The following TBC1D32 variants were observed in gnomAD, a reference collection of about 807,000 sequenced individuals.
TBC1D32 encodes protein broad-minded.
Under a neutral mutation model 170.3 loss-of-function variants are expected in TBC1D32, and 151 were observed. The ratio of observed to expected loss-of-function variants is 0.89; its 90% CI spans 0.78 to 1.01. TBC1D32 has a LOEUF of 1.01. Among genes scored for constraint, TBC1D32 ranks in the 50% least tolerant of loss-of-function variants. The pLI, the probability that TBC1D32 is intolerant of heterozygous loss-of-function variation, is 0.00. For missense variants in TBC1D32, 1,464 were observed against 1,457.1 expected (o/e 1.00, Z -0.08); for synonymous variants, 498 against 488.0 (o/e 1.02, Z -0.27).
intron 24 of TBC1D32, among the ~76,000 whole-genome samples, chr6:121,144,145 G>C (rs1047454391): frequency 1.3e-5 from 2 of 152,104 alleles, no homozygotes; most frequent in African/African-American, 4.8e-5. Flanking sequence ...GAAACAGAAA[G>C]AAAGTAAGAG....
chr6:121,131,359 G>GA (rs1162471839), intron 25 of TBC1D32, among the ~76,000 whole-genome samples: 30 of 145,426 alleles, frequency 2.1e-4, no homozygotes, highest in East Asian at 1.2e-3. Flanking sequence ...AACTGAATAT[G>GA]AAAAAAAAAA....
intron 22 of TBC1D32, among the ~76,000 whole-genome samples, chr6:121,172,384 T>C (rs1181696395): frequency 1.3e-5 from 2 of 152,062 alleles, no homozygotes; most frequent in African/African-American, 4.8e-5. Context: ...TACTCCACAA[T>C]GGAGGTAAGG....
chr6:121,223,364 G>T lies in TBC1D32; in HGVS notation c.2365-12C>A. 1 of 1,516,050 alleles carries T rather than the reference G, an allele frequency of 6.6e-7. No individual in the cohort carries two copies. Among genetic ancestry groups the T allele is most frequent in the Non-Finnish European group, 9.0e-7 (1 of 1,105,184 alleles). The allele number at this position is 1,516,050 out of a possible 1,614,324, so 93.9% of individuals were successfully genotyped here. Reference sequence around the variant, plus strand: ...AGTGCTAAAAAAGACTAGAGGGAAAGAAAACAGTCATTTAAATGATTCACT... The same window carrying T: ...AGTGCTAAAAAAGACTAGAGGGAAATAAAACAGTCATTTAAATGATTCACT... On this transcript the variant is annotated splice_polypyrimidine_tract_variant and intron_variant, in intron 20 of 31. Transcript: ENST00000398212.
intron 22 of TBC1D32, among the ~76,000 whole-genome samples, chr6:121,182,420 T>C (rs1313846534): frequency 6.6e-6 from 1 of 152,026 alleles, no homozygotes; most frequent in Non-Finnish European, 1.5e-5. Context: ...AGAATACTAA[T>C]AAAAGAATGC....
At chr6:121,160,219 G>A in intron 23 of TBC1D32, 116 bp from the exon 24 acceptor site, 1 of 660,866 alleles carries the variant, frequency 1.5e-6, no homozygotes, top group Non-Finnish European at 2.6e-6. Context: ...AAATTCTGCA[G>A]TTGTTGCCCA....
At chr6:121,240,218 A>G (rs2128358837) in intron 19 of TBC1D32, among the ~76,000 whole-genome samples, 1 of 152,186 alleles carries the variant, frequency 6.6e-6, no homozygotes, top group Non-Finnish European at 1.5e-5. Flanking sequence ...TGATGCTCAG[A>G]AGCTTAATGA....
In TBC1D32 at chr6:121,115,207, T is replaced by C. The variant is rs201359283; in HGVS notation, c.3018A>G (p.Ser1006=). ...TTTTAATGCCAAGCTGCTGCACAGATGAAAGACTTTCATTCTTCACATTTG... is the reference window on the plus strand; with the variant it reads ...TTTTAATGCCAAGCTGCTGCACAGACGAAAGACTTTCATTCTTCACATTTG... The part of the protein sequence containing the change: ...TDANVKNESL[S]SVQQLGIKMT... Residue 1006 remains serine (S), a synonymous_variant, in exon 27 of 32, where the codon TCA becomes TCG. Transcript: ENST00000398212. The C allele has an allele frequency of 1.2e-6, 2 of 1,602,480 alleles. No individual in the cohort carries two copies. Among genetic ancestry groups the C allele is most frequent in the South Asian group, 1.1e-5 (1 of 89,288 alleles).
chr6:121,184,945 C>T (rs1274249560), intron 22 of TBC1D32, among the ~76,000 whole-genome samples: 1 of 151,980 alleles, frequency 6.6e-6, no homozygotes, highest in African/African-American at 2.4e-5. Flanking sequence ...AGAGGAAGCC[C>T]TTGAAGAACA....
chr6:121,323,586 T>G (rs545845385), intron 1 of TBC1D32, among the ~76,000 whole-genome samples: 1 of 152,328 alleles, frequency 6.6e-6, no homozygotes, highest in African/African-American at 2.4e-5. Context: ...GTATCTCTAC[T>G]TAAACGAGGC....
At chr6:121,141,464 CAAAT>C (rs1782776498) in intron 24 of TBC1D32, among the ~76,000 whole-genome samples, 1 of 152,052 alleles carries the variant, frequency 6.6e-6, no homozygotes, top group Non-Finnish European at 1.5e-5. Flanking sequence ...TATTAAAAAA[CAAAT>C]AACTCAATTA....
chr6:121,109,390 T>C (rs1778995241), intron 29 of TBC1D32, among the ~76,000 whole-genome samples: 1 of 152,190 alleles, frequency 6.6e-6, no homozygotes, highest in South Asian at 2.1e-4. Flanking sequence ...GTTTTGTTTG[T>C]ATGTGCATGT....
At position 121,334,337 on chromosome 6, in the gene TBC1D32, A is replaced by T; in HGVS notation, c.94T>A (p.Ser32Thr). The change falls in exon 1 of 32, where the codon TCC becomes ACC. Residue 32 changes from serine (S) to threonine (T), a missense_variant. Physicochemically the swap from Ser to Thr is moderately conservative, Grantham distance 58. Transcript: ENST00000398212. ...SVKEKITGAP[S>T]LECAEEILLH... ...AGAATCTCTTCGGCACACTCCAGGG[A>T]AGGGGCACCCGTGATTTTCTCCTTC... 2.5e-6 allele frequency: 4 copies of T among 1,614,166 alleles called. No individual in the cohort carries two copies. The highest frequency in any genetic ancestry group is 3.4e-6 in the Non-Finnish European group (4 of 1,180,022).
rs965347796 is a variant in TBC1D32, at chr6:121,327,627, T to C, written c.156-5833A>G. On this transcript the variant is annotated intron_variant, in intron 1 of 31. Coordinates refer to ENST00000398212, the MANE Select transcript of TBC1D32 (RefSeq NM_152730.6). ...AAAGCAAGCCATGTATGAGAGAGAA[T>C]GGATAGAGGTTGTGGTAAAATAAAG... Among the ~76,000 whole-genome samples, 8 of 152,104 alleles carry C rather than the reference T, an allele frequency of 5.3e-5. No individual in the cohort carries two copies. The South Asian group carries it at 6.2e-4, about 12-fold the overall frequency.
At chr6:121,177,374 C>T (rs1012472807) in intron 22 of TBC1D32, among the ~76,000 whole-genome samples, 9 of 152,120 alleles carry the variant, frequency 5.9e-5, no homozygotes, top group East Asian at 5.8e-4. Context: ...CCATGTAGGA[C>T]GCTTGCTTCT....
chr6:121,149,486 T>A (rs899758918), intron 24 of TBC1D32, among the ~76,000 whole-genome samples: 5 of 152,212 alleles, frequency 3.3e-5, no homozygotes, highest in Admixed American at 3.3e-4. Context: ...GGGGTCCAGT[T>A]TTCTCAATAC....
chr6:121,196,468 A>C lies in TBC1D32; in HGVS notation c.2570+8607T>G, dbSNP rs570965425. ...ATGGAAAGGGCAGAGGTTTGTCCTC[A>C]CTGGAATAGACACTTACTCCAGATA... On this transcript the variant is annotated intron_variant, in intron 22 of 31. Transcript: ENST00000398212. Among the ~76,000 whole-genome samples the C allele has an allele frequency of 2.0e-5, 3 of 152,312 alleles. No individual in the cohort carries two copies. In the South Asian group the frequency reaches 6.2e-4, roughly 32 times the overall value.
intron 1 of TBC1D32, among the ~76,000 whole-genome samples, chr6:121,323,619 C>T (rs1810055526): frequency 6.6e-6 from 1 of 152,134 alleles, no homozygotes; most frequent in African/African-American, 2.4e-5. Flanking sequence ...TCCCAACAAA[C>T]CTTCAACCAT....
At chr6:121,296,640 T>C (rs556091898) in intron 10 of TBC1D32, among the ~76,000 whole-genome samples, 1 of 152,112 alleles carries the variant, frequency 6.6e-6, no homozygotes, top group Admixed American at 6.6e-5. Flanking sequence ...AATTCTGTCT[T>C]ATCCTTCTTC....
chr6:121,080,609 C>T lies in TBC1D32; in HGVS notation c.*162G>A. ...CAACAAATTTACAAAAATGAATTCA[C>T]AAATTGAGCTCATACCTACTTAAAT... On this transcript the variant is annotated 3_prime_UTR_variant, in exon 32 of 32. Coordinates refer to ENST00000398212, the MANE Select transcript of TBC1D32 (RefSeq NM_152730.6). 1 of 855,326 alleles carries T rather than the reference C, an allele frequency of 1.2e-6. No individual in the cohort carries two copies. The highest frequency in any genetic ancestry group is 2.6e-5 in the South Asian group (1 of 38,816). The allele number at this position is 855,326 out of a possible 1,614,324, so 53.0% of individuals were successfully genotyped here.
Sources: allele counts gnomAD v4.1 joint callset (sites outside exome capture counted in the v4.1 genomes callset), GRCh38; gene constraint gnomAD v4.1.1; transcripts MANE v1.5; gene names NCBI Gene and HGNC (gene_info 2026-07-23, HGNC 2026-07-21).